Variants in CTNNA2 observed in about 807,000 individuals in gnomAD.
CTNNA2 encodes catenin alpha-2.
In CTNNA2, 42 loss-of-function variants were observed where a neutral mutation model predicts 101.0. That is an observed-to-expected ratio of 0.42 (90% CI 0.32 to 0.54). CTNNA2 has a LOEUF of 0.54. CTNNA2 is among the 20% of genes least tolerant of loss of function. CTNNA2 has a pLI of 0.14. For missense variants in CTNNA2, 871 were observed against 1,223.1 expected, an observed-to-expected ratio of 0.71 and a Z score of 4.29; for synonymous variants, 450 against 456.4, an observed-to-expected ratio of 0.99 and a Z score of 0.18.
At chr2:79,801,306 A>G (rs1676135660) in intron 3 of CTNNA2, among the ~76,000 whole-genome samples, 1 of 152,170 alleles carries the variant, frequency 6.6e-6, no homozygotes. Flanking sequence ...GCCCCAGGGT[A>G]TGCTTTTGCC....
Position 79,970,774 on chromosome 2 carries a change from T to C in CTNNA2, c.1056+60977T>C, listed in dbSNP as rs571267492. Among the ~76,000 whole-genome samples the C allele has an allele frequency of 4.2e-4, 64 of 152,038 alleles. No individual in the cohort carries two copies. The South Asian group carries it at 0.013, about 32-fold the overall frequency. On this transcript the variant is annotated intron_variant, in intron 7 of 18. Transcript: ENST00000402739. ...AATTTGACATCCTTTCATCCTTTGATGAAAGCTAAATGTGAAATCTAGGTG... is the reference window on the plus strand; with the variant it reads ...AATTTGACATCCTTTCATCCTTTGACGAAAGCTAAATGTGAAATCTAGGTG...
intron 7 of CTNNA2, among the ~76,000 whole-genome samples, chr2:80,282,869 GT>G (rs537205465): frequency 4.6e-5 from 7 of 150,986 alleles, no homozygotes; most frequent in African/African-American, 7.3e-5. Context: ...GATGGTTCAA[GT>G]TTTTTTTTCA....
At chr2:79,675,048 A>C (rs915075743) in intron 2 of CTNNA2, among the ~76,000 whole-genome samples, 1 of 152,200 alleles carries the variant, frequency 6.6e-6, no homozygotes, top group Non-Finnish European at 1.5e-5. Context: ...TCAGAGGCTG[A>C]GATATTATCA....
rs184687042 is a variant in CTNNA2 at position 80,596,519 on chromosome 2, C to T, written c.2189+7034C>T. Among the ~76,000 whole-genome samples the T allele has an allele frequency of 2.4e-3, 368 of 150,936 alleles. 1 individual carries two copies. The highest frequency in any genetic ancestry group is 6.9e-3 in the Middle Eastern group (2 of 290). On this transcript the variant is annotated intron_variant, in intron 15 of 18. Coordinates refer to ENST00000402739, the MANE Select transcript of CTNNA2 (RefSeq NM_001282597.3). ...AGTAGAGACGGGGCTTCACCGTGTT[C>T]GCCAGGATGGTCTTGATCTCCTGAC...
At chr2:80,093,039 T>C (rs928623182) in intron 7 of CTNNA2, among the ~76,000 whole-genome samples, 1 of 152,126 alleles carries the variant, frequency 6.6e-6, no homozygotes, top group African/African-American at 2.4e-5. Flanking sequence ...AGTTTTAGGG[T>C]ACATGTACAC....
chr2:79,506,066 T>C (rs1211852337), intron 5 of CTNNA2, among the ~76,000 whole-genome samples: 1 of 152,216 alleles, frequency 6.6e-6, no homozygotes, highest in Non-Finnish European at 1.5e-5. Flanking sequence ...ATAGTGTTTG[T>C]AGAATTGGAG....
chr2:80,486,381 C>T (rs557030419), intron 9 of CTNNA2, among the ~76,000 whole-genome samples: 4 of 152,198 alleles, frequency 2.6e-5, no homozygotes, highest in Admixed American at 2.0e-4. Flanking sequence ...CCTGTGACTT[C>T]TTTGAGATAT....
At chr2:79,493,277 C>G (rs998338634) in intron 4 of CTNNA2, among the ~76,000 whole-genome samples, 1 of 151,994 alleles carries the variant, frequency 6.6e-6, no homozygotes, top group African/African-American at 2.4e-5. Context: ...GAAAATGCCT[C>G]CAGATTGAAA....
chr2:80,483,397 T>C (rs912416905), intron 9 of CTNNA2, among the ~76,000 whole-genome samples: 1 of 149,194 alleles, frequency 6.7e-6, no homozygotes, highest in African/African-American at 2.5e-5. Context: ...TTTACATATG[T>C]ATATATTTAA....
At chr2:79,829,066 G>C (rs1678664702) in intron 3 of CTNNA2, among the ~76,000 whole-genome samples, 1 of 152,112 alleles carries the variant, frequency 6.6e-6, no homozygotes, top group Admixed American at 6.6e-5. Flanking sequence ...TTATTTAAGA[G>C]GGGTCAGTGT....
Position 79,414,836 on chromosome 2 carries a change from A to C in CTNNA2, c.-135+40823A>C, listed in dbSNP as rs1333714665. 2.0e-5 allele frequency among the ~76,000 whole-genome samples: 3 copies of C among 152,040 alleles called. No homozygotes were observed. The South Asian group carries it at 6.2e-4, about 31-fold the overall frequency. ...GGAGTGAGGCCATCTTAGACCATCC[A>C]GCCCCAGCCAAGCCACCAGATGACT... On this transcript the variant is annotated intron_variant, in intron 4 of 21. Coordinates refer to the CTNNA2 transcript ENST00000466387.
chr2:80,134,499 C>T (rs1018456954), intron 7 of CTNNA2, among the ~76,000 whole-genome samples: 14 of 152,272 alleles, frequency 9.2e-5, no homozygotes, highest in African/African-American at 3.1e-4. Flanking sequence ...TAATAAACTT[C>T]AACTTCATCC....
At chr2:79,869,496 C>T (rs552277382) in intron 4 of CTNNA2, among the ~76,000 whole-genome samples, 2 of 152,218 alleles carry the variant, frequency 1.3e-5, no homozygotes, top group African/African-American at 4.8e-5. Context: ...TATTTTTTCT[C>T]AAATATATTT....
intron 3 of CTNNA2, among the ~76,000 whole-genome samples, chr2:79,342,481 T>A (rs902430149): frequency 6.6e-6 from 1 of 152,196 alleles, no homozygotes; most frequent in African/African-American, 2.4e-5. Flanking sequence ...TAATATCTCT[T>A]CCACCTCTAT....
chr2:79,441,025 G>C (rs978853855), intron 4 of CTNNA2, among the ~76,000 whole-genome samples: 1 of 152,150 alleles, frequency 6.6e-6, no homozygotes, highest in Non-Finnish European at 1.5e-5. Context: ...TCAGTGCCGA[G>C]CAATGTTCTT....
At chr2:79,468,321 A>G (rs1670961205) in intron 4 of CTNNA2, among the ~76,000 whole-genome samples, 1 of 152,240 alleles carries the variant, frequency 6.6e-6, no homozygotes, top group Non-Finnish European at 1.5e-5. Flanking sequence ...TTCAACAAGA[A>G]GAGCTAACTA....
At chr2:79,851,666 TA>T (rs996112947) in intron 3 of CTNNA2, among the ~76,000 whole-genome samples, 1 of 152,104 alleles carries the variant, frequency 6.6e-6, no homozygotes, top group African/African-American at 2.4e-5. Context: ...ACAAACTGGT[TA>T]AGAGGATTGG....
intron 9 of CTNNA2, among the ~76,000 whole-genome samples, chr2:80,495,917 G>A (rs1284889622): frequency 1.4e-5 from 2 of 139,324 alleles, no homozygotes; most frequent in African/African-American, 5.2e-5. Flanking sequence ...TCCAGCCTGG[G>A]CGGCAGAGCA....
intron 2 of CTNNA2, among the ~76,000 whole-genome samples, chr2:79,734,947 G>A (rs944743931): frequency 1.3e-5 from 2 of 152,130 alleles, no homozygotes; most frequent in Non-Finnish European, 2.9e-5. Flanking sequence ...ACTTTGTGCA[G>A]TAGTGTCCTC....
Sources: allele counts gnomAD v4.1 joint callset (sites outside exome capture counted in the v4.1 genomes callset), GRCh38; gene constraint gnomAD v4.1.1; transcripts MANE v1.5; gene names NCBI Gene and HGNC (gene_info 2026-07-23, HGNC 2026-07-21).